The following DMD variants were observed in gnomAD, a reference collection of about 807,000 sequenced individuals.
The protein encoded by DMD is mutant dystrophin.
A neutral mutation model predicts 330.1 loss-of-function variants in DMD; 63 were observed. That is an observed-to-expected ratio of 0.19 (90% confidence interval 0.16 to 0.24). DMD has a LOEUF of 0.24. Ranked by LOEUF, DMD falls within the 10% of genes least tolerant of loss-of-function variation. The probability of loss-of-function intolerance (pLI) is 1.00; values close to 1 mark genes in which losing one functional copy is unlikely to be tolerated. For synonymous variants in DMD, 1,223 were observed against 959.8 expected (o/e 1.27, Z -5.07); for missense variants, 3,344 against 2,684.1 (o/e 1.25, Z -5.43).
chrX:32,699,405 T>C (rs1345577559), intron 7 of DMD, 112 bp from the exon 8 acceptor site: 4 of 641,028 alleles, frequency 6.2e-6, no homozygotes, highest in South Asian at 2.4e-5. Flanking sequence ...GAACAGTGAA[T>C]TGTCCATGAA....
intron 49 of DMD, among the ~76,000 whole-genome samples, chrX:31,829,511 G>A (rs941392290): frequency 1.3e-4 from 14 of 110,338 alleles, no homozygotes; most frequent in Admixed American, 4.8e-4. Flanking sequence ...CTGCTTTCTT[G>A]CCTCATATTT....
At chrX:31,305,800 C>T (rs1269644657) in intron 62 of DMD, among the ~76,000 whole-genome samples, 2 of 112,542 alleles carry the variant, frequency 1.8e-5, no homozygotes, top group African/African-American at 6.4e-5. Context: ...AAAAATTTTC[C>T]TCTTTGGAGT....
At chrX:32,538,827 C>T (rs944087195) in intron 17 of DMD, among the ~76,000 whole-genome samples, 48 of 110,874 alleles carry the variant, frequency 4.3e-4, no homozygotes, top group African/African-American at 6.9e-4. Context: ...CATGCCAGTG[C>T]GAGGGTTCTC....
chrX:31,673,699 T>G (rs2081935769), intron 53 of DMD, among the ~76,000 whole-genome samples: 1 of 112,187 alleles, frequency 8.9e-6, no homozygotes, highest in African/African-American at 3.2e-5. Context: ...ACATTATATT[T>G]TCAAGCACGG....
intron 1 of DMD, among the ~76,000 whole-genome samples, chrX:33,206,537 T>C (rs2051580023): frequency 1.8e-5 from 2 of 111,722 alleles, no homozygotes; most frequent in Admixed American, 1.9e-4. Context: ...CAGGAATACA[T>C]TGATTTCTAA....
chrX:32,221,751 C>G (rs1351319138), intron 43 of DMD, among the ~76,000 whole-genome samples: 2 of 111,734 alleles, frequency 1.8e-5, no homozygotes, highest in African/African-American at 6.5e-5. Context: ...TTCTACCACT[C>G]TGTCTGCCTT....
At chrX:31,664,293 C>G (rs1470152310) in intron 53 of DMD, among the ~76,000 whole-genome samples, 1 of 111,464 alleles carries the variant, frequency 9.0e-6, no homozygotes, top group Non-Finnish European at 1.9e-5. Context: ...AGTGCCACCC[C>G]ACCCAAGCTG....
At chrX:32,858,342 A>AT (rs1433762823) in intron 2 of DMD, among the ~76,000 whole-genome samples, 1 of 111,751 alleles carries the variant, frequency 8.9e-6, no homozygotes, top group East Asian at 2.8e-4. Flanking sequence ...TTTATCATTT[A>AT]TTTTTTGAGA....
At chrX:31,951,640 T>G (rs1283397830) in intron 45 of DMD, among the ~76,000 whole-genome samples, 1 of 111,419 alleles carries the variant, frequency 9.0e-6, no homozygotes, top group Non-Finnish European at 1.9e-5. Context: ...GATATTTTTC[T>G]CTGCTAAGCT....
chrX:33,043,847 ACAACAGGCCC>A (rs1490817619), intron 1 of DMD, among the ~76,000 whole-genome samples: 129 of 66,592 alleles, frequency 1.9e-3, no homozygotes, highest in Non-Finnish European at 3.1e-3. Context: ...CCCCCACCCC[ACAACAGGCCC>A]CGGTGTGTGA....
intron 2 of DMD, among the ~76,000 whole-genome samples, chrX:32,953,902 C>G (rs113016318): frequency 8.9e-6 from 1 of 111,784 alleles, no homozygotes; most frequent in East Asian, 2.8e-4. Flanking sequence ...AATCTCCTTC[C>G]AGGTTAACAG....
chrX:33,031,449 C>T (rs1413844347), intron 1 of DMD, among the ~76,000 whole-genome samples: 1 of 111,103 alleles, frequency 9.0e-6, no homozygotes, highest in African/African-American at 3.3e-5. Flanking sequence ...CATTTCTTGG[C>T]TTGATCATGC....
At chrX:31,858,073 A>G (rs1197684654) in intron 48 of DMD, among the ~76,000 whole-genome samples, 1 of 102,559 alleles carries the variant, frequency 9.8e-6, no homozygotes, top group Admixed American at 1.0e-4. Context: ...AAAAAAATGC[A>G]TAGTAACATC....
chrX:33,043,082 A>G (rs998312121), intron 1 of DMD, among the ~76,000 whole-genome samples: 5 of 112,237 alleles, frequency 4.5e-5, no homozygotes, highest in African/African-American at 1.6e-4. Context: ...CAAAATGCAA[A>G]TATATTCTTT....
chrX:32,069,186 GT>G (rs894882493), intron 44 of DMD, among the ~76,000 whole-genome samples: 6 of 111,185 alleles, frequency 5.4e-5, no homozygotes, highest in African/African-American at 3.3e-5. Context: ...AATGATAAGT[GT>G]TTCAGATGGT....
At chrX:31,763,224 T>C (rs1466654897) in intron 51 of DMD, among the ~76,000 whole-genome samples, 1 of 112,259 alleles carries the variant, frequency 8.9e-6, no homozygotes, top group African/African-American at 3.2e-5. Flanking sequence ...AATATATAGT[T>C]AAAGGACAAA....
chrX:32,589,967 A>T (rs1292320412), intron 13 of DMD, among the ~76,000 whole-genome samples: 1 of 111,979 alleles, frequency 8.9e-6, no homozygotes. Flanking sequence ...AGAGAAAGAT[A>T]GACTCACCTT....
intron 60 of DMD, among the ~76,000 whole-genome samples, chrX:31,428,709 T>C (rs756328303): frequency 3.6e-4 from 41 of 112,508 alleles, no homozygotes; most frequent in Non-Finnish European, 7.1e-4. Context: ...CACTCGTTCA[T>C]TCAACAAATA....
intron 1 of DMD, among the ~76,000 whole-genome samples, chrX:33,200,193 GAAAT>G (rs1282375267): frequency 1.8e-5 from 2 of 111,114 alleles, no homozygotes; most frequent in African/African-American, 6.5e-5. Flanking sequence ...TCTTAATTAA[GAAAT>G]AAATAATTAT....
Sources: allele counts gnomAD v4.1 joint callset (sites outside exome capture counted in the v4.1 genomes callset), GRCh38; gene constraint gnomAD v4.1.1; transcripts MANE v1.5; gene names NCBI Gene and HGNC (gene_info 2026-07-23, HGNC 2026-07-21).